The following POLQ variants were observed in gnomAD, a reference collection of about 807,000 sequenced individuals.
The protein encoded by POLQ is DNA polymerase theta, also known as epididymis secretory sperm binding protein.
In POLQ, 233 loss-of-function variants were observed where a neutral mutation model predicts 259.2. The observed-to-expected ratio is 0.90, with a 90% CI of 0.81 to 1.00. The LOEUF is 1.00. POLQ is among the 50% of genes least tolerant of loss of function. POLQ has a pLI of 0.00. For missense variants in POLQ, 2,871 were observed against 3,051.6 expected, an observed-to-expected ratio of 0.94 and a Z score of 1.39; for synonymous variants, 1,025 against 1,048.8, an observed-to-expected ratio of 0.98 and a Z score of 0.44.
At chr3:121,517,452 A>G (rs1162426307) in intron 9 of POLQ, among the ~76,000 whole-genome samples, 1 of 152,104 alleles carries the variant, frequency 6.6e-6, no homozygotes, top group Non-Finnish European at 1.5e-5. Flanking sequence ...TAAATGGGTC[A>G]TTTATTACTG....
chr3:121,491,490 C>A (rs2048068696), intron 15 of POLQ, among the ~76,000 whole-genome samples: 1 of 151,612 alleles, frequency 6.6e-6, no homozygotes, highest in Non-Finnish European at 1.5e-5. Flanking sequence ...GGGGTTGAGA[C>A]TTGGAAGAAA....
intron 18 of POLQ, 26 bp downstream of exon 18, chr3:121,483,360 T>C (rs766731485): frequency 4.5e-6 from 6 of 1,325,852 alleles, no homozygotes; most frequent in African/African-American, 1.5e-5. Context: ...GTTTTAAGTA[T>C]ATAAAAATTA....
chr3:121,495,198 G>A (rs1007090611), intron 14 of POLQ, among the ~76,000 whole-genome samples: 11 of 152,098 alleles, frequency 7.2e-5, no homozygotes, highest in Non-Finnish European at 1.3e-4. Flanking sequence ...TTGAACTTGG[G>A]AGGCGGGGGT....
At position 121,487,324 on chromosome 3, in the gene POLQ, A is replaced by G; in HGVS notation, c.5607T>C (p.Thr1869=). The part of the protein sequence containing the change: ...IRSLTSSKTA[T]IGSRFKQASS... Reference sequence around the variant, plus strand: ...TACCTTGCTTAAACCTACTGCCAATAGTAGCAGTTTTAGAAGATGTCAAAC... The same window carrying G: ...TACCTTGCTTAAACCTACTGCCAATGGTAGCAGTTTTAGAAGATGTCAAAC... The change falls in exon 16 of 30, where the codon ACT becomes ACC. Residue 1869 remains threonine, a synonymous_variant. Transcript: ENST00000264233. The G allele has an allele frequency of 6.3e-7, 1 of 1,593,460 alleles. No homozygotes were observed. Among genetic ancestry groups the G allele is most frequent in the African/African-American group, 1.4e-5 (1 of 73,894 alleles).
At chr3:121,441,410 C>G (rs1044809371) in intron 26 of POLQ, among the ~76,000 whole-genome samples, 7 of 152,212 alleles carry the variant, frequency 4.6e-5, no homozygotes, top group Admixed American at 6.5e-5. Flanking sequence ...TGATCACCCT[C>G]AGACACTCAC....
At chr3:121,538,326 T>TCACTA (rs2048465124) in intron 4 of POLQ, among the ~76,000 whole-genome samples, 1 of 152,118 alleles carries the variant, frequency 6.6e-6, no homozygotes, top group Non-Finnish European at 1.5e-5. Flanking sequence ...TTGGAATAAT[T>TCACTA]CTTAAGAATT....
chr3:121,508,025 T>TC (rs1553816485), intron 12 of POLQ, among the ~76,000 whole-genome samples: 4 of 150,696 alleles, frequency 2.7e-5, no homozygotes, highest in Admixed American at 6.6e-5. Context: ...AATTTTTTTT[T>TC]TTTTTTTTTT....
chr3:121,545,561 T>A (rs191587737), intron 1 of POLQ, among the ~76,000 whole-genome samples, 154 bp downstream of exon 1: 567 of 152,232 alleles, frequency 3.7e-3, no homozygotes, highest in Non-Finnish European at 6.9e-3. Context: ...GAACAGAAAG[T>A]GACCTGCCAC....
intron 5 of POLQ, among the ~76,000 whole-genome samples, chr3:121,536,457 T>C (rs2048451631): frequency 6.6e-6 from 1 of 152,130 alleles, no homozygotes; most frequent in Non-Finnish European, 1.5e-5. Flanking sequence ...TAGTTGCCTC[T>C]GAGAAGTGAG....
rs572074193 is a variant in POLQ at position 121,458,170 on chromosome 3, G to C, written c.7152+1880C>G. Among the ~76,000 whole-genome samples the C allele has an allele frequency of 7.6e-4, 116 of 152,142 alleles. 1 individual carries two copies. The highest frequency in any genetic ancestry group is 2.0e-3 in the Admixed American group (31 of 15,288). ...AAACACCGCATGTTCTCACTCATAGGTGGGAATTGAACAATGAGAACACAT... is the reference window on the plus strand; with the variant it reads ...AAACACCGCATGTTCTCACTCATAGCTGGGAATTGAACAATGAGAACACAT... On this transcript the variant is annotated intron_variant, in intron 25 of 29. Transcript: ENST00000264233.
chr3:121,460,008 T>C, intron 25 of POLQ, 42 bp downstream of exon 25: 2 of 1,474,078 alleles, frequency 1.4e-6, no homozygotes, highest in Middle Eastern at 3.5e-4. Context: ...TTTGAGTCAC[T>C]AAATTCTTCT....
chr3:121,507,476 C>T (rs1268392417), intron 12 of POLQ, among the ~76,000 whole-genome samples: 1 of 152,094 alleles, frequency 6.6e-6, no homozygotes. Context: ...CCTGTAATCC[C>T]AGCACTTTGG....
chr3:121,482,271 C>G (rs1457920457), intron 18 of POLQ, among the ~76,000 whole-genome samples: 4 of 152,184 alleles, frequency 2.6e-5, no homozygotes, highest in African/African-American at 9.6e-5. Context: ...GTAATCCCAG[C>G]ACTTTGGGAG....
At chr3:121,492,115 T>C (rs2048073637) in intron 15 of POLQ, among the ~76,000 whole-genome samples, 1 of 148,328 alleles carries the variant, frequency 6.7e-6, no homozygotes, top group Admixed American at 6.7e-5. Context: ...TAAAATACTA[T>C]ACCCCATCCC....
chr3:121,498,361 T>C (rs1359071179), intron 13 of POLQ, 116 bp downstream of exon 13: 3 of 659,270 alleles, frequency 4.6e-6, no homozygotes, highest in Middle Eastern at 2.7e-4. Flanking sequence ...AAAAATCTTA[T>C]ACTCTGCCAA....
intron 9 of POLQ, among the ~76,000 whole-genome samples, chr3:121,517,828 AAATTAC>A (rs2048308909): frequency 2.0e-5 from 3 of 152,232 alleles, no homozygotes; most frequent in African/African-American, 7.2e-5. Flanking sequence ...TATAAGGCCT[AAATTAC>A]AATTACATCA....
intron 14 of POLQ, chr3:121,494,489 G>T: frequency 6.7e-7 from 1 of 1,482,466 alleles, no homozygotes; most frequent in East Asian, 2.3e-5. Context: ...CAGAGGGGAC[G>T]TCCCCACCAA....
intron 26 of POLQ, among the ~76,000 whole-genome samples, chr3:121,445,568 C>A (rs1409906149): frequency 6.6e-6 from 1 of 151,824 alleles, no homozygotes; most frequent in East Asian, 1.9e-4. Context: ...TTCAAAAAAC[C>A]AACTTATTTT....
At chr3:121,505,804 T>A (rs2048203925) in intron 12 of POLQ, among the ~76,000 whole-genome samples, 1 of 148,976 alleles carries the variant, frequency 6.7e-6, no homozygotes, top group Non-Finnish European at 1.5e-5. Context: ...AGGTTAGAAG[T>A]TCAAGACCAG....
Sources: allele counts gnomAD v4.1 joint callset (sites outside exome capture counted in the v4.1 genomes callset), GRCh38; gene constraint gnomAD v4.1.1; transcripts MANE v1.5; gene names NCBI Gene and HGNC (gene_info 2026-07-23, HGNC 2026-07-21).